CLDN16: variants seen among roughly 807,000 people sequenced by gnomAD.
CLDN16 encodes claudin-16.
In CLDN16, 13 loss-of-function variants were observed where a neutral mutation model predicts 24.6. The ratio of observed to expected loss-of-function variants is 0.53; its 90% CI spans 0.34 to 0.84. CLDN16 has a LOEUF of 0.84. Among genes scored for constraint, CLDN16 ranks in the 40% least tolerant of loss-of-function variants. The probability of loss-of-function intolerance (pLI) is 0.01; values close to 1 mark genes in which losing one functional copy is unlikely to be tolerated. For synonymous variants in CLDN16, 116 were observed against 106.7 expected (o/e 1.09, Z -0.54); for missense variants, 298 against 292.7 (o/e 1.02, Z -0.13).
At chr3:190,369,581 C>T (rs1481398787) in intron 1 of CLDN16, among the ~76,000 whole-genome samples, 1 of 151,880 alleles carries the variant, frequency 6.6e-6, no homozygotes, top group Admixed American at 6.6e-5. Context: ...TAGTCTTTTT[C>T]TAATAGAAAT....
In CLDN16 at chr3:190,349,657, T is replaced by C. The variant is rs1577405125; in HGVS notation, n.122-21236T>C. 2.6e-5 allele frequency among the ~76,000 whole-genome samples: 4 copies of C among 152,194 alleles called. No individual in the cohort carries two copies. The East Asian group carries it at 7.7e-4, about 29-fold the overall frequency. On this transcript the variant is annotated intron_variant and non_coding_transcript_variant, in intron 1 of 4. Transcript: ENST00000468220. ...TTGCATAGTTTGACCCTGTGACTTG[T>C]GTTATCCATTGACATGAGGTGAAAA...
chr3:190,315,371 G>A, the CLDN16 span, among the ~76,000 whole-genome samples: 823 of 152,220 alleles, frequency 5.4e-3, 4 homozygotes, highest in African/African-American at 0.014. Context: ...TCATCCTAAC[G>A]CAGGATGATA....
At chr3:190,326,849 G>C (rs959061302) in intron 1 of CLDN16, among the ~76,000 whole-genome samples, 1 of 152,162 alleles carries the variant, frequency 6.6e-6, no homozygotes, top group African/African-American at 2.4e-5. Context: ...CTGAATGACT[G>C]TTCCTTTTAT....
chr3:190,400,778 G>T (rs1172964169), intron 1 of CLDN16, among the ~76,000 whole-genome samples: 1 of 152,136 alleles, frequency 6.6e-6, no homozygotes, highest in East Asian at 1.9e-4. Context: ...GTCACAAAGA[G>T]CATGGAGGTG....
At chr3:190,338,076 G>T (rs763130295) in intron 1 of CLDN16, among the ~76,000 whole-genome samples, 1 of 152,156 alleles carries the variant, frequency 6.6e-6, no homozygotes, top group Non-Finnish European at 1.5e-5. Flanking sequence ...GTGCCCAGTA[G>T]GTAGAGTACA....
chr3:190,313,175 G>A, the CLDN16 span: 5 of 883,436 alleles, frequency 5.7e-6, no homozygotes, highest in South Asian at 1.5e-5. Context: ...TCATACTGAT[G>A]TTTCCGCTGG....
At chr3:190,341,597 G>A (rs1044678000) in intron 1 of CLDN16, among the ~76,000 whole-genome samples, 1 of 152,144 alleles carries the variant, frequency 6.6e-6, no homozygotes, top group African/African-American at 2.4e-5. Context: ...CTGCCACAAA[G>A]GTCTCTCACA....
chr3:190,393,586 G>A lies in CLDN16; in HGVS notation c.114+5143G>A, dbSNP rs145023817. On this transcript the variant is annotated intron_variant, in intron 1 of 4. Transcript: ENST00000264734. ...GCCAATAAATATTAGATACATTATT[G>A]TCTATTTGCAGTTTATTGGTTTGTT... 9.8e-3 allele frequency among the ~76,000 whole-genome samples: 1,494 copies of A among 152,130 alleles called. 24 individuals are homozygous for A. The highest frequency in any genetic ancestry group is 0.034 in the African/African-American group (1,428 of 41,510).
upstream of CLDN16, chr3:190,322,226 G>T (rs757699975): frequency 7.5e-6 from 12 of 1,609,984 alleles, no homozygotes; most frequent in Admixed American, 1.5e-4. Flanking sequence ...GGGCGCCCGC[G>T]CTGGCTCAGG....
At chr3:190,320,891 G>A (rs570617737), upstream of CLDN16, among the ~76,000 whole-genome samples, 1 of 152,214 alleles carries the variant, frequency 6.6e-6, no homozygotes, top group South Asian at 2.1e-4. Context: ...TACTCCAGCC[G>A]TGAATCATTA....
the CLDN16 span, among the ~76,000 whole-genome samples, chr3:190,311,051 C>T: frequency 5.3e-5 from 8 of 152,172 alleles, no homozygotes; most frequent in African/African-American, 1.9e-4. Context: ...GCTACTGTCT[C>T]TCCCCAGCCA....
intron 1 of CLDN16, among the ~76,000 whole-genome samples, chr3:190,361,786 C>T (rs1717892079): frequency 6.6e-6 from 1 of 151,864 alleles, no homozygotes; most frequent in African/African-American, 2.4e-5. Context: ...AAGCTGGAAC[C>T]TTGCACAGGG....
At chr3:190,389,719 T>A (rs1039269755) in intron 1 of CLDN16, among the ~76,000 whole-genome samples, 15 of 152,190 alleles carry the variant, frequency 9.9e-5, no homozygotes, top group South Asian at 4.1e-4. Context: ...AAGAATGAAA[T>A]AAATGCCCTT....
In CLDN16 at chr3:190,337,530, G is replaced by A. The variant is rs550364659; in HGVS notation, n.121+14869G>A. On this transcript the variant is annotated intron_variant and non_coding_transcript_variant, in intron 1 of 4. Transcript: ENST00000468220. ...GACAATATGTGGACGATAAGAATGC[G>A]TTCTCCTCTCACCAAAGCTCATATA... Among the ~76,000 whole-genome samples the A allele has an allele frequency of 3.5e-4, 54 of 152,286 alleles. 1 individual carries two copies. Among genetic ancestry groups the A allele is most frequent in the African/African-American group, 1.2e-3 (51 of 41,560 alleles).
intron 3 of CLDN16, among the ~76,000 whole-genome samples, chr3:190,407,115 T>C (rs1238643931): frequency 6.6e-6 from 1 of 152,098 alleles, no homozygotes; most frequent in African/African-American, 2.4e-5. Flanking sequence ...TAAATAGATA[T>C]CACAGACTAT....
intron 1 of CLDN16, among the ~76,000 whole-genome samples, chr3:190,389,105 C>T (rs1162355544): frequency 6.6e-6 from 1 of 152,126 alleles, no homozygotes; most frequent in Non-Finnish European, 1.5e-5. Context: ...AGTGGGTTCA[C>T]ATTTGAGGAT....
chr3:190,303,387 A>T, the CLDN16 span, among the ~76,000 whole-genome samples: 1 of 152,190 alleles, frequency 6.6e-6, no homozygotes, highest in African/African-American at 2.4e-5. Flanking sequence ...AAAGAAGTAA[A>T]AGCCTCTTCA....
At chr3:190,355,017 G>T (rs1380826444) in intron 1 of CLDN16, among the ~76,000 whole-genome samples, 2 of 151,906 alleles carry the variant, frequency 1.3e-5, no homozygotes, top group Non-Finnish European at 1.5e-5. Flanking sequence ...TATTCTAATG[G>T]TTTTTTCTTG....
intron 1 of CLDN16, among the ~76,000 whole-genome samples, chr3:190,389,946 A>C (rs1371349993): frequency 2.0e-5 from 3 of 152,214 alleles, no homozygotes; most frequent in Admixed American, 2.0e-4. Flanking sequence ...GCTTAAGCTG[A>C]CATAATTGCT....
Sources: allele counts gnomAD v4.1 joint callset (sites outside exome capture counted in the v4.1 genomes callset), GRCh38; gene constraint gnomAD v4.1.1; transcripts MANE v1.5; gene names NCBI Gene and HGNC (gene_info 2026-07-23, HGNC 2026-07-21).